Variants in LMTK2 observed in about 807,000 individuals in gnomAD.
The protein encoded by LMTK2 is serine/threonine-protein kinase LMTK2.
In LMTK2, 37 loss-of-function variants were observed where a neutral mutation model predicts 127.5. The observed-to-expected ratio is 0.29, with a 90% confidence interval of 0.22 to 0.38. The LOEUF (loss-of-function observed/expected upper bound fraction) is 0.38. LMTK2 is among the 10% of genes least tolerant of loss of function. The probability of loss-of-function intolerance (pLI) is 1.00; values close to 1 mark genes in which losing one functional copy is unlikely to be tolerated. For synonymous variants in LMTK2, 819 were observed against 810.1 expected, an observed-to-expected ratio of 1.01 and a Z score of -0.19; for missense variants, 1,694 against 1,920.3, an observed-to-expected ratio of 0.88 and a Z score of 2.20.
chr7:98,172,952 T>A (rs942081247), intron 7 of LMTK2, among the ~76,000 whole-genome samples: 7 of 152,112 alleles, frequency 4.6e-5, no homozygotes, highest in Non-Finnish European at 7.4e-5. Flanking sequence ...CAGATGGGGT[T>A]TCACCATGTT....
intron 7 of LMTK2, among the ~76,000 whole-genome samples, chr7:98,184,812 T>G (rs1341100764): frequency 6.6e-6 from 1 of 152,224 alleles, no homozygotes; most frequent in Non-Finnish European, 1.5e-5. Flanking sequence ...ACAGATATGG[T>G]CAGTATTTAA....
chr7:98,142,973 C>A (rs1300394206), intron 3 of LMTK2, among the ~76,000 whole-genome samples: 3 of 152,250 alleles, frequency 2.0e-5, no homozygotes, highest in Admixed American at 2.0e-4. Context: ...AGAAAGAAAA[C>A]CCTTTGGAGG....
At chr7:98,153,801 G>A (rs1263228615) in intron 4 of LMTK2, among the ~76,000 whole-genome samples, 6 of 152,076 alleles carry the variant, frequency 3.9e-5, no homozygotes, top group Non-Finnish European at 7.4e-5. Context: ...AGGAGTTCGA[G>A]GCTGCAGTGA....
At chr7:98,158,229 A>G (rs543854811) in intron 5 of LMTK2, among the ~76,000 whole-genome samples, 2 of 152,354 alleles carry the variant, frequency 1.3e-5, no homozygotes, top group South Asian at 4.1e-4. Flanking sequence ...TGAAGGAGAA[A>G]CTGAGTTATT....
intron 1 of LMTK2, among the ~76,000 whole-genome samples, chr7:98,123,468 T>C (rs1450728882): frequency 6.6e-6 from 1 of 152,154 alleles, no homozygotes; most frequent in Non-Finnish European, 1.5e-5. Context: ...TTGGCTGTTG[T>C]GTCCTGGAAC....
Position 98,193,711 on chromosome 7 carries a change from C to T in LMTK2, c.3246C>T (p.His1082=). ...VIVISDAGDG[H]RGTEVTPETF... ...TCATCTCAGATGCCGGCGATGGTCA[C>T]AGAGGCACAGAAGTGACCCCTGAGA... The change falls in exon 11 of 14, where the codon CAC becomes CAT. Residue 1082 remains histidine, a synonymous_variant. Transcript: ENST00000297293. This position sits in a 1 kb window ranked among gnomAD's most constrained non-coding sequence, Gnocchi z 4.1. 6.2e-7 allele frequency: 1 copy of T among 1,613,870 alleles called. No homozygotes were observed. Among genetic ancestry groups the T allele is most frequent in the Non-Finnish European group, 8.5e-7 (1 of 1,180,006 alleles).
At chr7:98,138,871 G>A (rs1362409064) in intron 2 of LMTK2, among the ~76,000 whole-genome samples, 1 of 152,206 alleles carries the variant, frequency 6.6e-6, no homozygotes, top group Non-Finnish European at 1.5e-5. Flanking sequence ...AGCTTCCCCC[G>A]GAGATGCTGG....
At chr7:98,187,636 C>A (rs1345005527) in intron 9 of LMTK2, among the ~76,000 whole-genome samples, 1 of 151,820 alleles carries the variant, frequency 6.6e-6, no homozygotes, top group Non-Finnish European at 1.5e-5. Flanking sequence ...GATAGAGTCT[C>A]ACTGTCGCCC....
Position 98,107,201 on chromosome 7 carries a change from G to A in LMTK2, c.24G>A (p.Arg8=). The change falls in exon 1 of 14, where the codon CGG becomes CGA. Residue 8 remains arginine (R), a synonymous_variant. Coordinates refer to ENST00000297293, the MANE Select transcript of LMTK2 (RefSeq NM_014916.4). ...AGATGCCGGGGCCGCCGGCGTTGCG[G>A]CGGAGGCTGCTGCTGCTGCTGCTGG... is the stretch of plus-strand genomic sequence containing the variant. MPGPPAL[R]RRLLLLLLVL... The A allele has an allele frequency of 6.9e-7, 1 of 1,456,332 alleles. No individual in the cohort carries two copies. The highest frequency in any genetic ancestry group is 9.0e-7 in the Non-Finnish European group (1 of 1,112,398). The allele number at this position is 1,456,332 out of a possible 1,614,324, so 90.2% of individuals were successfully genotyped here.
intron 1 of LMTK2, among the ~76,000 whole-genome samples, chr7:98,116,186 G>A (rs1388114336): frequency 6.6e-6 from 1 of 152,166 alleles, no homozygotes; most frequent in African/African-American, 2.4e-5. Flanking sequence ...GAGCCACAGT[G>A]TCCGGCCTAC....
intron 9 of LMTK2, among the ~76,000 whole-genome samples, chr7:98,187,575 C>T (rs1054679426): frequency 6.6e-6 from 1 of 150,898 alleles, no homozygotes; most frequent in African/African-American, 2.4e-5. Context: ...TTATGGGGTA[C>T]AGTGATATAT....
chr7:98,138,095 A>C (rs1158385539), intron 2 of LMTK2, among the ~76,000 whole-genome samples: 1 of 152,208 alleles, frequency 6.6e-6, no homozygotes, highest in Admixed American at 6.5e-5. Context: ...ACCAGCCAGG[A>C]AGGCCTCTAG....
At chr7:98,144,406 C>A (rs1044579484) in intron 3 of LMTK2, among the ~76,000 whole-genome samples, 5 of 149,698 alleles carry the variant, frequency 3.3e-5, no homozygotes, top group African/African-American at 1.2e-4. Context: ...GCACTCCAGG[C>A]TAGGGGACAA....
At chr7:98,111,621 G>C (rs1000876375) in intron 1 of LMTK2, among the ~76,000 whole-genome samples, 1 of 152,162 alleles carries the variant, frequency 6.6e-6, no homozygotes, top group Non-Finnish European at 1.5e-5. Context: ...TTACCCAAAG[G>C]GTTGTGGGGG....
Position 98,208,925 on chromosome 7 carries a change from T to C in LMTK2, c.*3433T>C, listed in dbSNP as rs1486413808. The C allele has an allele frequency of 6.6e-6, 1 of 152,246 alleles. No homozygotes were observed. Among genetic ancestry groups the C allele is most frequent in the Non-Finnish European group, 1.5e-5 (1 of 68,038 alleles). 9.4% of individuals were successfully genotyped at this position (152,246 alleles called of 1,614,324 possible). On this transcript the variant is annotated 3_prime_UTR_variant, in exon 14 of 14. Transcript: ENST00000297293. ...CCAAACCCCTCCTTTTATTCCTGTTTCCCGAAATAAGGTATTTGTAGAGTT... is the reference window on the plus strand; with the variant it reads ...CCAAACCCCTCCTTTTATTCCTGTTCCCCGAAATAAGGTATTTGTAGAGTT...
chr7:98,128,074 G>A (rs896656204), intron 1 of LMTK2, among the ~76,000 whole-genome samples: 40 of 152,294 alleles, frequency 2.6e-4, no homozygotes, highest in African/African-American at 9.1e-4. Flanking sequence ...AACCCGGGAG[G>A]TGGAGGTTGC....
At position 98,107,146 on chromosome 7, in the gene LMTK2, A is replaced by G. The variant is rs1243597361; in HGVS notation, c.-32A>G. On this transcript the variant is annotated 5_prime_UTR_variant, in exon 1 of 14. Transcript: ENST00000297293. ...GGACGGACGGACGGAAGGCGACTCG[A>G]GGGCCGGCCCCGGAGCCGCGCCGTG... 1 of 1,403,814 alleles carries G rather than the reference A, an allele frequency of 7.1e-7. No individual in the cohort carries two copies. The highest frequency in any genetic ancestry group is 3.0e-5 in the East Asian group (1 of 33,074). The allele number at this position is 1,403,814 out of a possible 1,614,324, so 87.0% of individuals were successfully genotyped here.
At chr7:98,140,152 CT>C (rs749022439) in intron 2 of LMTK2, among the ~76,000 whole-genome samples, 45,507 of 58,966 alleles carry the variant, frequency 0.77, 17,743 homozygotes, top group Middle Eastern at 0.89. Flanking sequence ...CTTTTCTTTT[CT>C]TTTCTTTTCT....
At chr7:98,199,680 A>T (rs1292331591) in intron 11 of LMTK2, among the ~76,000 whole-genome samples, 3 of 152,158 alleles carry the variant, frequency 2.0e-5, no homozygotes, top group African/African-American at 7.2e-5. Flanking sequence ...TTTTTTGTAG[A>T]GATGGGGTTT....
Sources: gnomAD v4.1 joint callset for allele counts (sites outside exome capture counted in the v4.1 genomes callset) on GRCh38, gnomAD v4.1.1 for gene constraint, Gnocchi (gnomAD v3.1) non-coding constraint, MANE v1.5 for transcripts, NCBI Gene and HGNC (gene_info 2026-07-23, HGNC 2026-07-21) for gene names.